RANBP3L: variants seen among roughly 807,000 people sequenced by gnomAD.
RANBP3L encodes RAN binding protein 3 like.
Under a neutral mutation model 67.2 loss-of-function variants are expected in RANBP3L, and 56 were observed. The observed-to-expected ratio is 0.83, with a 90% CI of 0.67 to 1.04. The LOEUF (loss-of-function observed/expected upper bound fraction) is 1.04. Ranked by LOEUF, RANBP3L falls within the 50% of genes least tolerant of loss-of-function variation. The pLI is 0.00. For synonymous variants in RANBP3L, 164 were observed against 181.4 expected (o/e 0.90, Z 0.77); for missense variants, 496 against 535.5 (o/e 0.93, Z 0.73).
rs1409058579 is a variant in RANBP3L, at chr5:36,260,854, T to C, written c.595A>G (p.Asn199Asp). Residue 199 changes from asparagine to aspartate, a missense_variant, in exon 8 of 14, where the codon AAT becomes GAT. Asn to Asp is a conservative substitution (Grantham distance 23). Coordinates refer to ENST00000296604, the MANE Select transcript of RANBP3L (RefSeq NM_145000.5). ...CTTTTAAAAGAACATTTATCTTCAT[T>C]TGGTTGACATCTAAGAAAATGAAAT... Reference protein sequence around the residue: ...LGATSVGCQPNEDKCSFKSCS... With the variant: ...LGATSVGCQPDEDKCSFKSCS... 3.4e-6 allele frequency: 5 copies of C among 1,475,286 alleles called. No individual in the cohort carries two copies. In the East Asian group the frequency reaches 1.1e-4, roughly 34 times the overall value. The allele number at this position is 1,475,286 out of a possible 1,614,324, so 91.4% of individuals were successfully genotyped here.
intron 6 of RANBP3L, among the ~76,000 whole-genome samples, chr5:36,262,510 A>G (rs1162234192): frequency 6.6e-6 from 1 of 152,178 alleles, no homozygotes; most frequent in African/African-American, 2.4e-5. Context: ...ATTTTCAACT[A>G]GTAACTTATC....
intron 12 of RANBP3L, 112 bp downstream of exon 12, chr5:36,253,535 G>T: frequency 1.2e-6 from 1 of 801,246 alleles, no homozygotes. Flanking sequence ...ATGAATGGCT[G>T]AGTTTTTGCC....
In RANBP3L at chr5:36,301,586, A is replaced by G; in HGVS notation, c.-170T>C. 2.0e-6 allele frequency: 1 copy of G among 491,494 alleles called. No individual in the cohort carries two copies. The highest frequency in any genetic ancestry group is 3.7e-6 in the Non-Finnish European group (1 of 273,582). The allele number at this position is 491,494 out of a possible 1,614,324, so 30.4% of individuals were successfully genotyped here. A position where few individuals can be genotyped will look rare whatever the true frequency, so the allele number is the denominator to read the frequency against. On this transcript the variant is annotated 5_prime_UTR_variant, in exon 1 of 14. An upstream start codon of the reference 5' UTR is lost. Transcript: ENST00000296604. ...CTAAACTTCCAAGCTTTTTCCAGTC[A>G]TGATTCTTGAAATAAATAATCACCA... is the stretch of plus-strand genomic sequence containing the variant.
At chr5:36,261,608 GA>G (rs906878301) in intron 7 of RANBP3L, among the ~76,000 whole-genome samples, 27 of 151,646 alleles carry the variant, frequency 1.8e-4, no homozygotes, top group African/African-American at 5.8e-4. Context: ...CAAAATAAAA[GA>G]AAAAAATGCT....
At chr5:36,268,125 G>A (rs1749940422) in intron 4 of RANBP3L, 2 of 1,056,106 alleles carry the variant, frequency 1.9e-6, no homozygotes, top group African/African-American at 1.7e-5. Context: ...AAAAAGAAAA[G>A]TCATCATTAA....
At chr5:36,276,446 T>G (rs1750571769) in intron 1 of RANBP3L, among the ~76,000 whole-genome samples, 1 of 152,094 alleles carries the variant, frequency 6.6e-6, no homozygotes, top group African/African-American at 2.4e-5. Flanking sequence ...CTTAATCTCT[T>G]GATGTGCTTA....
chr5:36,258,984 T>A (rs758572720), intron 8 of RANBP3L, among the ~76,000 whole-genome samples: 2 of 152,234 alleles, frequency 1.3e-5, no homozygotes, highest in Non-Finnish European at 2.9e-5. Flanking sequence ...CCGTAAGAAC[T>A]CAGTACATGT....
At chr5:36,261,074 C>A (rs1005473502) in intron 7 of RANBP3L, among the ~76,000 whole-genome samples, 3 of 152,210 alleles carry the variant, frequency 2.0e-5, no homozygotes, top group Non-Finnish European at 4.4e-5. Flanking sequence ...ACAGCACTGG[C>A]AGAGACCAGT....
In RANBP3L at chr5:36,257,045, G is replaced by A; in HGVS notation, c.799C>T (p.Leu267=). Residue 267 remains leucine (L), a synonymous_variant, in exon 10 of 14, where the codon CTA becomes TTA. Transcript: ENST00000296604. ...GAGAATGCAGCAGCTGATTCAATTA[G>A]GGAAGTATTTTTAATAGAGTCTGTT... ...SRTDSIKNTS[L]IESAAAFSSQ... 1 of 1,612,304 alleles carries A rather than the reference G, an allele frequency of 6.2e-7. No individual in the cohort carries two copies. Among genetic ancestry groups the A allele is most frequent in the Non-Finnish European group, 8.5e-7 (1 of 1,178,934 alleles).
intron 1 of RANBP3L, among the ~76,000 whole-genome samples, chr5:36,286,837 C>A (rs1479964537): frequency 6.6e-6 from 1 of 152,170 alleles, no homozygotes; most frequent in African/African-American, 2.4e-5. Flanking sequence ...ATGACCCACT[C>A]CCTCACCTCT....
Sources: gnomAD v4.1 joint callset for allele counts (sites outside exome capture counted in the v4.1 genomes callset) on GRCh38, gnomAD v4.1.1 for gene constraint, MANE v1.5 for transcripts, NCBI Gene and HGNC (gene_info 2026-07-23, HGNC 2026-07-21) for gene names.